The following GALNT15 variants were observed in gnomAD, a reference collection of about 807,000 sequenced individuals.
GALNT15 encodes the protein UDP-GalNAc transferase T15.
A neutral mutation model predicts 66.8 loss-of-function variants in GALNT15; 67 were observed. That is an observed-to-expected ratio of 1.00 (90% CI 0.82 to 1.23). The LOEUF (loss-of-function observed/expected upper bound fraction) is 1.23, where lower values mean the gene tolerates loss of function less well. Among genes scored for constraint, GALNT15 ranks in the 50% most tolerant of loss-of-function variants. GALNT15 has a pLI of 0.00. For synonymous variants in GALNT15, 313 were observed against 311.5 expected, an observed-to-expected ratio of 1.00 and a Z score of -0.05; for missense variants, 827 against 804.3, an observed-to-expected ratio of 1.03 and a Z score of -0.34.
At chr3:16,230,602 C>T (rs888980107), downstream of GALNT15, among the ~76,000 whole-genome samples, 6 of 151,528 alleles carry the variant, frequency 4.0e-5, no homozygotes, top group African/African-American at 1.2e-4. This position sits in a 1 kb window ranked among gnomAD's most constrained non-coding sequence, Gnocchi z 4.5. Context: ...AAGAAAAAAA[C>T]AAGGATAGTG....
At position 16,214,891 on chromosome 3, in the gene GALNT15, T is replaced by C. The variant is rs565198557; in HGVS notation, c.1392+2128T>C. Among the ~76,000 whole-genome samples, 4 of 152,364 alleles carry C rather than the reference T, an allele frequency of 2.6e-5. No homozygotes were observed. The South Asian group carries it at 6.2e-4, about 24-fold the overall frequency. On this transcript the variant is annotated intron_variant, in intron 6 of 9. Transcript: ENST00000339732. ...GCAACTGGCCTTCTACAGAGTTCTG[T>C]AGAGGTCCACAGAGCTTCTCTGGTT...
At position 16,180,274 on chromosome 3, in the gene GALNT15, C is replaced by T. The variant is rs1303451273; in HGVS notation, c.539+4584C>T. On this transcript the variant is annotated intron_variant, in intron 1 of 9. Transcript: ENST00000339732. The surrounding 1 kb of genome is among the most constrained non-coding windows in gnomAD (Gnocchi z 5.0). Reference sequence around the variant, plus strand: ...CTGCTCTAAGGCACACTCTTTATGCCGAACAGACTGGCCAGAGCAGTGCTC... The same window carrying T: ...CTGCTCTAAGGCACACTCTTTATGCTGAACAGACTGGCCAGAGCAGTGCTC... Among the ~76,000 whole-genome samples the T allele has an allele frequency of 1.3e-5, 2 of 152,194 alleles. No individual in the cohort carries two copies. The highest frequency in any genetic ancestry group is 2.1e-4 in the South Asian group (1 of 4,826).
At chr3:16,237,887 A>G in the GALNT15 span, among the ~76,000 whole-genome samples, 1 of 152,004 alleles carries the variant, frequency 6.6e-6, no homozygotes, top group Admixed American at 6.6e-5. The surrounding 1 kb of genome is among the most constrained non-coding windows in gnomAD (Gnocchi z 4.2). Flanking sequence ...CAATGGCCTC[A>G]CCCCTCAGCT....
downstream of GALNT15, among the ~76,000 whole-genome samples, chr3:16,235,577 A>G (rs545549202): frequency 2.0e-5 from 3 of 152,340 alleles, no homozygotes; most frequent in Non-Finnish European, 4.4e-5. Flanking sequence ...GAGATGATCA[A>G]GAAGGTATCT....
At position 16,189,914 on chromosome 3, in the gene GALNT15, C is replaced by A. The variant is rs181001265; in HGVS notation, c.540-5846C>A. Among the ~76,000 whole-genome samples the A allele has an allele frequency of 3.3e-5, 5 of 152,270 alleles. No homozygotes were observed. On this transcript the variant is annotated intron_variant, in intron 1 of 9. Transcript: ENST00000339732. This position sits in a 1 kb window ranked among gnomAD's most constrained non-coding sequence, Gnocchi z 5.1. Reference sequence around the variant, plus strand: ...CTGTTGGTCTGGAGACTGTTGAAAGCAAGGATAGTTCTCAGAGAGCTTATG... The same window carrying A: ...CTGTTGGTCTGGAGACTGTTGAAAGAAAGGATAGTTCTCAGAGAGCTTATG...
Position 16,204,977 on chromosome 3 carries a change from G to A in GALNT15, c.912-3526G>A, listed in dbSNP as rs546262961. Among the ~76,000 whole-genome samples the A allele has an allele frequency of 9.8e-5, 15 of 152,340 alleles. No individual in the cohort carries two copies. The South Asian group carries it at 1.7e-3, about 17-fold the overall frequency. On this transcript the variant is annotated intron_variant, in intron 3 of 9. Transcript: ENST00000339732. This position sits in a 1 kb window ranked among gnomAD's most constrained non-coding sequence, Gnocchi z 4.5. ...CGTGTGTGTGTGCGCGCGCATGTGC[G>A]CGTCAAGGAGCAGCAGGAGGTCAGG...
intron 1 of GALNT15, among the ~76,000 whole-genome samples, chr3:16,192,746 AC>A (rs1281888675): frequency 6.6e-6 from 1 of 152,140 alleles, no homozygotes; most frequent in African/African-American, 2.4e-5. Flanking sequence ...TCTCCCTAAA[AC>A]CTTACAGGGA....
At chr3:16,194,837 A>G (rs776132356) in intron 1 of GALNT15, among the ~76,000 whole-genome samples, 4 of 152,144 alleles carry the variant, frequency 2.6e-5, no homozygotes, top group African/African-American at 4.8e-5. Flanking sequence ...TTGTGGGGGC[A>G]TGGGGAGGGA....
chr3:16,218,639 G>A (rs1388702704), intron 6 of GALNT15, among the ~76,000 whole-genome samples: 1 of 151,974 alleles, frequency 6.6e-6, no homozygotes, highest in East Asian at 1.9e-4. Flanking sequence ...CCAACCCCTA[G>A]CCCACGATTT....
chr3:16,197,622 C>T (rs2063652951), intron 2 of GALNT15, among the ~76,000 whole-genome samples: 1 of 152,166 alleles, frequency 6.6e-6, no homozygotes, highest in Non-Finnish European at 1.5e-5. Context: ...GGCTTCCAAG[C>T]CGATGGTCAT....
At chr3:16,237,960 A>G in the GALNT15 span, among the ~76,000 whole-genome samples, 1 of 152,220 alleles carries the variant, frequency 6.6e-6, no homozygotes, top group Admixed American at 6.5e-5. This position sits in a 1 kb window ranked among gnomAD's most constrained non-coding sequence, Gnocchi z 4.2. Context: ...CTCTCTATCC[A>G]GATGACGCTA....
downstream of GALNT15, among the ~76,000 whole-genome samples, chr3:16,233,525 T>G (rs2064105601): frequency 6.6e-6 from 1 of 152,208 alleles, no homozygotes; most frequent in Admixed American, 6.5e-5. Flanking sequence ...TTTTTAACCT[T>G]TTTTTGTTGT....
intron 8 of GALNT15, among the ~76,000 whole-genome samples, chr3:16,221,742 T>C (rs893721650): frequency 2.0e-5 from 3 of 152,202 alleles, no homozygotes; most frequent in Non-Finnish European, 4.4e-5. Context: ...AAACAAATTA[T>C]TCTTCCCTGA....
downstream of GALNT15, among the ~76,000 whole-genome samples, chr3:16,233,094 C>CCTTTTTTTTTTTTTTTTTTTTTT (rs2064099645): frequency 1.6e-5 from 1 of 61,208 alleles, no homozygotes; most frequent in Non-Finnish European, 3.0e-5. Context: ...GATAATGCAT[C>CCTTTTTTTTTTTTTTTTTTTTTT]TTTTTTTTTT....
In GALNT15 at chr3:16,199,420, T is replaced by C. The variant is rs563218912; in HGVS notation, c.707-1199T>C. Reference sequence around the variant, plus strand: ...GGACCCACTGTGTTGCAGACTCCCCTATCAACTGCAATGAGATCTCTTTGA... The same window carrying C: ...GGACCCACTGTGTTGCAGACTCCCCCATCAACTGCAATGAGATCTCTTTGA... On this transcript the variant is annotated intron_variant, in intron 2 of 9. Transcript: ENST00000339732. Among the ~76,000 whole-genome samples, 87 of 142,144 alleles carry C rather than the reference T, an allele frequency of 6.1e-4. 9 individuals are homozygous for C. Among genetic ancestry groups the C allele is most frequent in the Non-Finnish European group, 1.1e-3 (71 of 64,234 alleles). 93.3% of individuals were successfully genotyped at this position (142,144 alleles called of 152,430 possible).
chr3:16,220,204 C>T, intron 8 of GALNT15, 190 bp downstream of exon 8: 1 of 586,748 alleles, frequency 1.7e-6, no homozygotes, highest in Non-Finnish European at 3.1e-6. Flanking sequence ...TCTGTAAGCA[C>T]AGACATGTGC....
chr3:16,175,011 T>G lies in GALNT15; in HGVS notation c.-141T>G, dbSNP rs1265447094. The G allele has an allele frequency of 4.2e-6, 3 of 709,064 alleles. No individual in the cohort carries two copies. The highest frequency in any genetic ancestry group is 6.9e-6 in the Non-Finnish European group (3 of 432,036). The allele number at this position is 709,064 out of a possible 1,614,324, so 43.9% of individuals were successfully genotyped here. On this transcript the variant is annotated 5_prime_UTR_variant, in exon 1 of 10. An upstream start codon of the reference 5' UTR is lost. Coordinates refer to ENST00000339732, the MANE Select transcript of GALNT15 (RefSeq NM_054110.5). This position sits in a 1 kb window ranked among gnomAD's most constrained non-coding sequence, Gnocchi z 5.6. ...AGGTCTTGCACACGCTGTTGGCAAATGTCAGGACCAGGTTAAGTGACTGGC... is the reference window on the plus strand; with the variant it reads ...AGGTCTTGCACACGCTGTTGGCAAAGGTCAGGACCAGGTTAAGTGACTGGC...
chr3:16,188,823 G>C lies in GALNT15; in HGVS notation c.540-6937G>C, dbSNP rs551613362. ...GGAAGAGTGGATAGATTGCAAAGCA[G>C]ATGACAGGTCCTTAGCACCATTTCC... is the stretch of plus-strand genomic sequence containing the variant. On this transcript the variant is annotated intron_variant, in intron 1 of 9. Coordinates refer to ENST00000339732, the MANE Select transcript of GALNT15 (RefSeq NM_054110.5). The surrounding 1 kb of genome is among the most constrained non-coding windows in gnomAD (Gnocchi z 4.6). 3.9e-5 allele frequency among the ~76,000 whole-genome samples: 6 copies of C among 152,112 alleles called. No homozygotes were observed. The highest frequency in any genetic ancestry group is 7.4e-5 in the Non-Finnish European group (5 of 68,016).
chr3:16,208,475 C>T (rs2124882611), intron 3 of GALNT15, 28 bp from the exon 4 acceptor site: 5 of 1,610,738 alleles, frequency 3.1e-6, no homozygotes, highest in East Asian at 2.2e-5. Context: ...GCTTTACGTC[C>T]CTTGTTTAAT....
Sources: gnomAD v4.1 joint callset for allele counts (sites outside exome capture counted in the v4.1 genomes callset) on GRCh38, gnomAD v4.1.1 for gene constraint, Gnocchi (gnomAD v3.1) non-coding constraint, MANE v1.5 for transcripts, NCBI Gene and HGNC (gene_info 2026-07-23, HGNC 2026-07-21) for gene names.